The following MEI1 variants were observed in gnomAD, a reference collection of about 807,000 sequenced individuals.
MEI1 encodes meiosis inhibitor protein 1.
A neutral mutation model predicts 146.2 loss-of-function variants in MEI1; 103 were observed. The ratio of observed to expected loss-of-function variants is 0.70; its 90% confidence interval spans 0.60 to 0.83. MEI1 has a LOEUF of 0.83. Ranked by LOEUF, MEI1 falls within the 40% of genes least tolerant of loss-of-function variation. The pLI is 0.00. For synonymous variants in MEI1, 652 were observed against 628.2 expected (o/e 1.04, Z -0.57); for missense variants, 1,529 against 1,533.0 (o/e 1.00, Z 0.04).
intron 7 of MEI1, among the ~76,000 whole-genome samples, chr22:41,726,502 C>T (rs2071369112): frequency 6.6e-6 from 1 of 152,096 alleles, no homozygotes; most frequent in African/African-American, 2.4e-5. Context: ...TGAAATTTAA[C>T]CAATTAAACT....
intron 7 of MEI1, among the ~76,000 whole-genome samples, chr22:41,724,651 C>T (rs1009824325): frequency 6.7e-6 from 1 of 150,264 alleles, no homozygotes; most frequent in Non-Finnish European, 1.5e-5. Context: ...TGGGCGTGGG[C>T]GTGGTGGTAT....
chr22:41,702,801 C>T (rs2068813267), intron 1 of MEI1, among the ~76,000 whole-genome samples: 2 of 151,904 alleles, frequency 1.3e-5, no homozygotes, highest in Admixed American at 1.3e-4. Context: ...TCTTGTCCCC[C>T]AGGCTGGAAT....
At chr22:41,717,162 T>TA (rs1422399247) in intron 5 of MEI1, among the ~76,000 whole-genome samples, 1 of 151,954 alleles carries the variant, frequency 6.6e-6, no homozygotes, top group African/African-American at 2.4e-5. Flanking sequence ...TTCCCCTTTT[T>TA]AAAAAAATTA....
At chr22:41,767,756 C>G (rs5751154) in intron 19 of MEI1, 4 of 384,062 alleles carry the variant, frequency 1.0e-5, no homozygotes, top group Non-Finnish European at 2.2e-5. Context: ...GTTCCTTGCC[C>G]TCAGAGAACA....
At chr22:41,720,079 C>G (rs574473586) in intron 6 of MEI1, among the ~76,000 whole-genome samples, 1 of 152,242 alleles carries the variant, frequency 6.6e-6, no homozygotes, top group South Asian at 2.1e-4. Flanking sequence ...GTAGAAGACA[C>G]ACATGGACAA....
chr22:41,747,220 G>A (rs1175990968), intron 14 of MEI1: 2 of 151,172 alleles, frequency 1.3e-5, no homozygotes, highest in Non-Finnish European at 2.9e-5. Context: ...TACAGAGCCT[G>A]AACTAGAACC....
chr22:41,746,010 G>A lies in MEI1; in HGVS notation c.1664G>A (p.Cys555Tyr), dbSNP rs763935081. 1 of 1,604,386 alleles carries A rather than the reference G, an allele frequency of 6.2e-7. No homozygotes were observed. Among genetic ancestry groups the A allele is most frequent in the Admixed American group, 1.7e-5 (1 of 58,120 alleles). The change falls in exon 14 of 31, where the codon TGT becomes TAT. Residue 555 changes from cysteine (C) to tyrosine (Y), a missense_variant. By Grantham distance (194) the Cys-to-Tyr change is radical. This residue lies in a region of MEI1 where 1,212 missense variants were observed against 1,178.9 expected (regional missense o/e 1.03). Transcript: ENST00000401548. ...EFLLSACDSLCIPMVMRHLEQ... is the reference protein window; with the variant it reads ...EFLLSACDSLYIPMVMRHLEQ... ...CTTCTCAGTGCCTGTGACTCGCTGT[G>A]TATCCCCATGGTGATGGTGGGTTCT... is the stretch of plus-strand genomic sequence containing the variant.
intron 21 of MEI1, 126 bp downstream of exon 21, chr22:41,776,393 A>G: frequency 9.7e-7 from 1 of 1,035,344 alleles, no homozygotes; most frequent in Non-Finnish European, 1.4e-6. Context: ...AAGCCAGGCC[A>G]TTGTGGCATC....
intron 18 of MEI1, among the ~76,000 whole-genome samples, chr22:41,760,749 T>A (rs1295340624): frequency 6.6e-6 from 1 of 152,130 alleles, no homozygotes; most frequent in Non-Finnish European, 1.5e-5. Context: ...AAGCAAGGGG[T>A]ACGTGGCAGG....
chr22:41,748,235 TGTG>T lies in MEI1; in HGVS notation c.1792+19_1792+21del, dbSNP rs761296197. The T allele has an allele frequency of 6.4e-7, 1 of 1,563,914 alleles. No homozygotes were observed. The highest frequency in any genetic ancestry group is 1.1e-5 in the South Asian group (1 of 89,918). ...AGAAGCTTGGTAGGCAGCAGGCAAA[TGTG>T]GAGGTTGGGAGGGAGGCAAGCACCT... is the stretch of plus-strand genomic sequence containing the variant. On this transcript the variant is annotated intron_variant, in intron 15 of 30. Transcript: ENST00000401548.
intron 26 of MEI1, 77 bp from the exon 27 acceptor site, chr22:41,793,752 C>A: frequency 7.7e-7 from 1 of 1,296,760 alleles, no homozygotes; most frequent in Non-Finnish European, 1.1e-6. Context: ...CTCTGAAAAC[C>A]AAATGTTTTT....
intron 26 of MEI1, among the ~76,000 whole-genome samples, chr22:41,785,369 TCTC>T (rs2075927350): frequency 6.6e-6 from 1 of 151,786 alleles, no homozygotes; most frequent in Admixed American, 6.6e-5. Flanking sequence ...TTCACGCCAT[TCTC>T]CTGCCTCAGC....
chr22:41,715,096 A>G (rs1021645574), intron 4 of MEI1, among the ~76,000 whole-genome samples: 1 of 152,172 alleles, frequency 6.6e-6, no homozygotes, highest in African/African-American at 2.4e-5. Flanking sequence ...TATATATATC[A>G]GTGCTTATGA....
intron 20 of MEI1, among the ~76,000 whole-genome samples, chr22:41,773,062 C>T (rs886892214): frequency 6.6e-6 from 1 of 152,326 alleles, no homozygotes; most frequent in East Asian, 1.9e-4. Context: ...GAAATTGAAT[C>T]TCAGGAGACC....
At chr22:41,784,496 C>T (rs1480933389) in intron 25 of MEI1, 76 bp downstream of exon 25, 25 of 1,581,028 alleles carry the variant, frequency 1.6e-5, no homozygotes, top group Non-Finnish European at 2.0e-5. Context: ...CCCTGACCAG[C>T]CAATGGTCAC....
At chr22:41,762,199 C>T (rs1213510016) in intron 18 of MEI1, among the ~76,000 whole-genome samples, 2 of 152,146 alleles carry the variant, frequency 1.3e-5, no homozygotes, top group South Asian at 2.1e-4. Flanking sequence ...GCGTGAGCCA[C>T]TGCACCTGGC....
intron 2 of MEI1, 92 bp from the exon 3 acceptor site, chr22:41,705,412 T>C: frequency 9.7e-7 from 1 of 1,035,246 alleles, no homozygotes; most frequent in Admixed American, 1.7e-5. Context: ...CCTCAGGTAA[T>C]CTGCCACCTC....
Position 41,795,392 on chromosome 22 carries a change from G to A in MEI1, c.3535-19G>A, listed in dbSNP as rs773031419. On this transcript the variant is annotated intron_variant, in intron 28 of 30. Coordinates refer to ENST00000401548, the MANE Select transcript of MEI1 (RefSeq NM_152513.4). This position sits in a 1 kb window ranked among gnomAD's most constrained non-coding sequence, Gnocchi z 4.2. ...ATGCCAAATCACTGGGTGTTTGGGGGTTTCTCTTCCTGGGCCAGTTTATGC... is the reference window on the plus strand; with the variant it reads ...ATGCCAAATCACTGGGTGTTTGGGGATTTCTCTTCCTGGGCCAGTTTATGC... 4 of 1,612,420 alleles carry A rather than the reference G, an allele frequency of 2.5e-6. No individual in the cohort carries two copies. The highest frequency in any genetic ancestry group is 3.4e-6 in the Non-Finnish European group (4 of 1,179,018).
At chr22:41,706,143 C>T (rs990234590) in intron 3 of MEI1, among the ~76,000 whole-genome samples, 44 of 152,212 alleles carry the variant, frequency 2.9e-4, no homozygotes, top group African/African-American at 9.2e-4. Flanking sequence ...CTCAGCCTCC[C>T]GAGTATCTGG....
Sources: gnomAD v4.1 joint callset for allele counts (sites outside exome capture counted in the v4.1 genomes callset) on GRCh38, gnomAD v4.1.1 for gene constraint, gnomAD v4.1.1 regional missense constraint, Gnocchi (gnomAD v3.1) non-coding constraint, MANE v1.5 for transcripts, NCBI Gene and HGNC (gene_info 2026-07-23, HGNC 2026-07-21) for gene names.